Variants in GALNTL6 observed in about 807,000 individuals in gnomAD.
The protein encoded by GALNTL6 is polypeptide N-acetylgalactosaminyltransferase like 6.
In GALNTL6, 46 loss-of-function variants were observed where a neutral mutation model predicts 73.7. That is an observed-to-expected ratio of 0.62 (90% CI 0.49 to 0.80). The LOEUF (loss-of-function observed/expected upper bound fraction) is 0.80. Among genes scored for constraint, GALNTL6 ranks in the 30% least tolerant of loss-of-function variants. The pLI is 0.00. For synonymous variants in GALNTL6, 259 were observed against 263.7 expected (o/e 0.98, Z 0.17); for missense variants, 604 against 755.0 (o/e 0.80, Z 2.34).
intron 2 of GALNTL6, among the ~76,000 whole-genome samples, chr4:172,037,210 A>G (rs1741951687): frequency 6.6e-6 from 1 of 152,204 alleles, no homozygotes; most frequent in African/African-American, 2.4e-5. Flanking sequence ...TATCAATACA[A>G]TAGTTTATCT....
intron 5 of GALNTL6, among the ~76,000 whole-genome samples, chr4:172,592,293 G>T (rs887148931): frequency 1.3e-5 from 2 of 152,112 alleles, no homozygotes; most frequent in African/African-American, 2.4e-5. Flanking sequence ...ATTCCCACAA[G>T]AACTAATCCA....
intron 2 of GALNTL6, among the ~76,000 whole-genome samples, chr4:171,866,237 C>CTAAGG (rs1328458648): frequency 1.8e-4 from 28 of 152,100 alleles, no homozygotes; most frequent in East Asian, 1.4e-3. Context: ...CATAAATCCT[C>CTAAGG]TAAGGTAATT....
chr4:172,055,493 T>C (rs1282571389), intron 2 of GALNTL6, among the ~76,000 whole-genome samples: 1 of 152,190 alleles, frequency 6.6e-6, no homozygotes, highest in Admixed American at 6.6e-5. Flanking sequence ...TAGGGCTCTT[T>C]GGTAAAAATT....
At chr4:173,015,816 C>G (rs114986664) in intron 11 of GALNTL6, among the ~76,000 whole-genome samples, 2,087 of 152,328 alleles carry the variant, frequency 0.014, 21 homozygotes, top group Non-Finnish European at 0.02. Context: ...TGTTAATCAC[C>G]AAGACAATAG....
intron 7 of GALNTL6, among the ~76,000 whole-genome samples, chr4:172,838,112 A>T (rs1424729404): frequency 1.3e-5 from 2 of 151,574 alleles, no homozygotes; most frequent in African/African-American, 4.9e-5. Flanking sequence ...CTATGTTTGG[A>T]AATCTAAGGT....
At chr4:171,999,050 AG>A (rs1183818644) in intron 2 of GALNTL6, among the ~76,000 whole-genome samples, 1 of 152,194 alleles carries the variant, frequency 6.6e-6, no homozygotes, top group East Asian at 1.9e-4. Flanking sequence ...TGAGTCCCTC[AG>A]GAAACGTCTT....
chr4:172,723,887 A>G (rs1735641794), intron 5 of GALNTL6, among the ~76,000 whole-genome samples: 1 of 152,202 alleles, frequency 6.6e-6, no homozygotes. Context: ...TTTGAGCCAC[A>G]AAAGTACCTC....
chr4:172,659,770 G>A (rs886703977), intron 5 of GALNTL6, among the ~76,000 whole-genome samples: 3 of 152,120 alleles, frequency 2.0e-5, no homozygotes, highest in African/African-American at 4.8e-5. Context: ...AATCTGGCTG[G>A]CCTGCTTCAA....
At chr4:172,041,192 A>C (rs1028205343) in intron 2 of GALNTL6, among the ~76,000 whole-genome samples, 5 of 152,026 alleles carry the variant, frequency 3.3e-5, no homozygotes, top group African/African-American at 1.2e-4. Flanking sequence ...GATCCCTATG[A>C]ATCAGAACTT....
intron 2 of GALNTL6, among the ~76,000 whole-genome samples, chr4:171,873,665 C>G (rs187526163): frequency 6.6e-6 from 1 of 152,252 alleles, no homozygotes; most frequent in East Asian, 1.9e-4. Flanking sequence ...TACTTCTACT[C>G]TCTTTATAAG....
chr4:172,882,976 T>G, intron 8 of GALNTL6, 69 bp downstream of exon 8: 1 of 831,166 alleles, frequency 1.2e-6, no homozygotes, highest in Non-Finnish European at 2.0e-6. Flanking sequence ...TATCAGCATG[T>G]TGCTCTGTGA....
chr4:172,644,673 T>C (rs545309327), intron 5 of GALNTL6, among the ~76,000 whole-genome samples: 9 of 152,124 alleles, frequency 5.9e-5, no homozygotes, highest in African/African-American at 2.2e-4. Flanking sequence ...ATGAATATTT[T>C]GTACTTGATA....
Position 172,302,850 on chromosome 4 carries a change from T to C in GALNTL6, c.248-8764T>C, listed in dbSNP as rs541132615. ...GAATCTATTCATTTAAGTTTGGCTG[T>C]TTGTTTTCTATATGTCTCATTTGTT... On this transcript the variant is annotated intron_variant, in intron 3 of 12. Coordinates refer to ENST00000506823, the MANE Select transcript of GALNTL6 (RefSeq NM_001034845.3). Among the ~76,000 whole-genome samples, 14 of 152,146 alleles carry C rather than the reference T, an allele frequency of 9.2e-5. No individual in the cohort carries two copies. The South Asian group carries it at 1.2e-3, about 14-fold the overall frequency.
At chr4:172,224,764 G>T (rs1486100727) in intron 2 of GALNTL6, among the ~76,000 whole-genome samples, 2 of 152,096 alleles carry the variant, frequency 1.3e-5, no homozygotes, top group Non-Finnish European at 2.9e-5. Flanking sequence ...AAAGGTGCTT[G>T]TGTCACATCC....
At chr4:172,110,280 GAATTGTTCTCA>G in intron 2 of GALNTL6, among the ~76,000 whole-genome samples, 1 of 152,226 alleles carries the variant, frequency 6.6e-6, no homozygotes, top group East Asian at 1.9e-4. Flanking sequence ...ATGAAGATGT[GAATTGTTCTCA>G]ACAGCTGATC....
chr4:172,929,446 G>A (rs1438709688), intron 8 of GALNTL6, among the ~76,000 whole-genome samples: 2 of 152,104 alleles, frequency 1.3e-5, no homozygotes, highest in African/African-American at 2.4e-5. Context: ...CAAACCAAGG[G>A]AAGAGAGAGA....
At chr4:172,925,816 T>C (rs1748030397) in intron 8 of GALNTL6, among the ~76,000 whole-genome samples, 1 of 152,212 alleles carries the variant, frequency 6.6e-6, no homozygotes, top group Admixed American at 6.5e-5. Flanking sequence ...CATGGACTCC[T>C]GACCTACAGA....
chr4:172,494,286 G>A (rs890715536), intron 5 of GALNTL6, among the ~76,000 whole-genome samples: 2 of 152,214 alleles, frequency 1.3e-5, no homozygotes, highest in Admixed American at 6.5e-5. Context: ...TAGAAGTAAC[G>A]ACTGGGGATT....
chr4:172,619,254 A>T (rs1738861155), intron 5 of GALNTL6, among the ~76,000 whole-genome samples: 1 of 152,166 alleles, frequency 6.6e-6, no homozygotes, highest in Admixed American at 6.5e-5. Flanking sequence ...TCTAGCCTTG[A>T]TGCCAGATCG....
Sources: gnomAD v4.1 joint callset for allele counts (sites outside exome capture counted in the v4.1 genomes callset) on GRCh38, gnomAD v4.1.1 for gene constraint, MANE v1.5 for transcripts, NCBI Gene and HGNC (gene_info 2026-07-23, HGNC 2026-07-21) for gene names.